Variants in DHTKD1 observed in about 807,000 individuals in gnomAD.
The protein encoded by DHTKD1 is 2-oxoadipate dehydrogenase complex component E1.
DHTKD1 carries 78 observed loss-of-function variants against 101.8 expected under a neutral mutation model. That is an observed-to-expected ratio of 0.77 (90% CI 0.64 to 0.93). DHTKD1 has a LOEUF of 0.93. DHTKD1 is among the 40% of genes least tolerant of loss of function. DHTKD1 has a pLI of 0.00. For synonymous variants in DHTKD1, 462 were observed against 450.3 expected (o/e 1.03, Z -0.33); for missense variants, 1,223 against 1,161.7 (o/e 1.05, Z -0.77).
rs115518281 is a variant in DHTKD1 at position 12,084,439 on chromosome 10, T to C, written c.311-101T>C. 1.0e-3 allele frequency: 798 copies of C among 761,510 alleles called. 6 individuals carry two copies. The African/African-American group carries it at 0.013, about 12-fold the overall frequency. 47.2% of individuals were successfully genotyped at this position (761,510 alleles called of 1,614,324 possible). A position where few individuals can be genotyped will look rare whatever the true frequency, so the allele number is the denominator to read the frequency against. On this transcript the variant is annotated intron_variant, in intron 2 of 16. Coordinates refer to ENST00000263035, the MANE Select transcript of DHTKD1 (RefSeq NM_018706.7). ...AAGGGGGAAAGTGAGTTTTTAAACA[T>C]TGGGGTTAATTTAGAAGAAAATACA...
chr10:12,118,379 A>C (rs1197930386), intron 14 of DHTKD1, among the ~76,000 whole-genome samples: 1 of 118,816 alleles, frequency 8.4e-6, no homozygotes, highest in Admixed American at 1.2e-4. Flanking sequence ...CTTCTGACAT[A>C]ATTCTCTTTT....
At chr10:12,086,388 T>G (rs995996627) in intron 3 of DHTKD1, among the ~76,000 whole-genome samples, 1 of 151,238 alleles carries the variant, frequency 6.6e-6, no homozygotes, top group African/African-American at 2.4e-5. Context: ...GCCTGGCTAA[T>G]TTTTTGTATT....
At chr10:12,069,733 C>A (rs556250864) in intron 1 of DHTKD1, among the ~76,000 whole-genome samples, 1 of 124,790 alleles carries the variant, frequency 8.0e-6, no homozygotes, top group African/African-American at 2.8e-5. Flanking sequence ...AGATGGGGTC[C>A]CACCATGTTG....
At chr10:12,076,678 G>C (rs1459770146) in intron 1 of DHTKD1, among the ~76,000 whole-genome samples, 1 of 151,634 alleles carries the variant, frequency 6.6e-6, no homozygotes, top group East Asian at 1.9e-4. Flanking sequence ...TTTTTTCTCG[G>C]GACGGAGTTT....
intron 1 of DHTKD1, among the ~76,000 whole-genome samples, chr10:12,075,286 T>TGGCCCC: frequency 6.6e-6 from 1 of 152,222 alleles, no homozygotes; most frequent in Non-Finnish European, 1.5e-5. Flanking sequence ...TGCAAGTGAT[T>TGGCCCC]ATCCTGCCTC....
At position 12,107,812 on chromosome 10, in the gene DHTKD1, A is replaced by G; in HGVS notation, c.2048-97A>G. 1.3e-6 allele frequency: 1 copy of G among 766,604 alleles called. No individual in the cohort carries two copies. Among genetic ancestry groups the G allele is most frequent in the Non-Finnish European group, 2.2e-6 (1 of 450,810 alleles). The allele number at this position is 766,604 out of a possible 1,614,324, so 47.5% of individuals were successfully genotyped here. On this transcript the variant is annotated intron_variant, in intron 11 of 16. Coordinates refer to ENST00000263035, the MANE Select transcript of DHTKD1 (RefSeq NM_018706.7). The surrounding 1 kb of genome is among the most constrained non-coding windows in gnomAD (Gnocchi z 4.1). ...GTAATGAAAGCAGTTTTGGGGGGCC[A>G]GGCAGAAAACTAACATTGATTTCCC...
chr10:12,096,011 A>G (rs1833067602), intron 7 of DHTKD1, among the ~76,000 whole-genome samples: 1 of 152,078 alleles, frequency 6.6e-6, no homozygotes, highest in South Asian at 2.1e-4. Flanking sequence ...TCGGTCTCAA[A>G]GAAAAAACAA....
intron 8 of DHTKD1, among the ~76,000 whole-genome samples, chr10:12,099,793 CTTTTT>C (rs55758504): frequency 1.1e-4 from 11 of 96,146 alleles, no homozygotes; most frequent in African/African-American, 2.2e-4. Context: ...AATTTCGTTG[CTTTTT>C]TTTTTTTTTT....
intron 10 of DHTKD1, 73 bp from the exon 11 acceptor site, chr10:12,106,173 G>A (rs1474717582): frequency 3.9e-6 from 6 of 1,523,546 alleles, no homozygotes; most frequent in African/African-American, 1.4e-5. Context: ...ACCTCCCTTC[G>A]ATAAGTTCGC....
chr10:12,088,579 G>A (rs1235461224), intron 4 of DHTKD1, among the ~76,000 whole-genome samples: 1 of 151,984 alleles, frequency 6.6e-6, no homozygotes, highest in Non-Finnish European at 1.5e-5. Flanking sequence ...GGTTTTCCAT[G>A]TATACTTACT....
At chr10:12,074,429 C>T (rs941937131) in intron 1 of DHTKD1, among the ~76,000 whole-genome samples, 8 of 151,700 alleles carry the variant, frequency 5.3e-5, no homozygotes, top group African/African-American at 1.7e-4. Flanking sequence ...GATCTCTGCT[C>T]ACTGCAAACT....
Position 12,121,439 on chromosome 10 carries a change from C to T in DHTKD1, c.*551C>T, listed in dbSNP as rs572755670. Reference sequence around the variant, plus strand: ...AGGTGTGATGGTAGAAATAGGAAAACAACAAAAGAAAAACAATAACAAAAA... The same window carrying T: ...AGGTGTGATGGTAGAAATAGGAAAATAACAAAAGAAAAACAATAACAAAAA... On this transcript the variant is annotated 3_prime_UTR_variant, in exon 17 of 17. Coordinates refer to ENST00000263035, the MANE Select transcript of DHTKD1 (RefSeq NM_018706.7). The T allele has an allele frequency of 2.0e-5, 3 of 152,736 alleles. No homozygotes were observed. Among genetic ancestry groups the T allele is most frequent in the African/African-American group, 4.8e-5 (2 of 41,496 alleles). The allele number at this position is 152,736 out of a possible 1,614,324, so 9.5% of individuals were successfully genotyped here.
intron 13 of DHTKD1, 37 bp from the exon 14 acceptor site, chr10:12,117,636 G>T: frequency 7.8e-7 from 1 of 1,275,944 alleles, no homozygotes; most frequent in Non-Finnish European, 1.1e-6. Context: ...ACCTCTTTCT[G>T]TTGCTTGCTG....
chr10:12,079,444 T>C (rs1261701707), intron 1 of DHTKD1, among the ~76,000 whole-genome samples: 3 of 152,060 alleles, frequency 2.0e-5, no homozygotes, highest in South Asian at 4.2e-4. Flanking sequence ...CCGAGGCAGG[T>C]GGATCACAAG....
chr10:12,101,634 T>C (rs749326555), intron 10 of DHTKD1, among the ~76,000 whole-genome samples: 1 of 152,186 alleles, frequency 6.6e-6, no homozygotes, highest in Non-Finnish European at 1.5e-5. Flanking sequence ...GACTTAATCT[T>C]GCTCTGTTGC....
rs540533119 is a variant in DHTKD1 at position 12,084,810 on chromosome 10, G to C, written c.522+59G>C. The C allele has an allele frequency of 6.4e-5, 96 of 1,511,000 alleles. 1 individual carries two copies. The East Asian group carries it at 2.0e-3, about 32-fold the overall frequency. 93.6% of individuals were successfully genotyped at this position (1,511,000 alleles called of 1,614,324 possible). ...TCATGCCTGTAATCCCAGCACTTTG[G>C]GAGGCCGAGGCGGGCGGATCACCTG... On this transcript the variant is annotated intron_variant, in intron 3 of 16. Coordinates refer to ENST00000263035, the MANE Select transcript of DHTKD1 (RefSeq NM_018706.7).
chr10:12,121,105 A>G lies in DHTKD1; in HGVS notation c.*217A>G, dbSNP rs1833520289. ...TGTGGTGGTGGGCACCTGTGATCCC[A>G]GCTTCCTGGGAGGCTGAGGCAAGAG... On this transcript the variant is annotated 3_prime_UTR_variant, in exon 17 of 17. Transcript: ENST00000263035. 1 of 412,078 alleles carries G rather than the reference A, an allele frequency of 2.4e-6. No homozygotes were observed. 25.5% of individuals were successfully genotyped at this position (412,078 alleles called of 1,614,324 possible). A position where few individuals can be genotyped will look rare whatever the true frequency, so the allele number is the denominator to read the frequency against.
At chr10:12,078,379 C>T (rs1018658879) in intron 1 of DHTKD1, among the ~76,000 whole-genome samples, 1 of 151,822 alleles carries the variant, frequency 6.6e-6, no homozygotes, top group South Asian at 2.1e-4. Context: ...GAGCCATGAT[C>T]GTGCCGCTGC....
At chr10:12,073,993 C>T (rs533898040) in intron 1 of DHTKD1, among the ~76,000 whole-genome samples, 1 of 152,288 alleles carries the variant, frequency 6.6e-6, no homozygotes, top group East Asian at 1.9e-4. Context: ...CGTGTATCTG[C>T]TGTTGTTTTC....
Sources: allele counts gnomAD v4.1 joint callset (sites outside exome capture counted in the v4.1 genomes callset), GRCh38; gene constraint gnomAD v4.1.1; non-coding constraint Gnocchi (gnomAD v3.1); transcripts MANE v1.5; gene names NCBI Gene and HGNC (gene_info 2026-07-23, HGNC 2026-07-21).